Variants in TTC27 observed in about 807,000 individuals in gnomAD.
TTC27 encodes tetratricopeptide repeat protein 27.
In TTC27, 79 loss-of-function variants were observed where a neutral mutation model predicts 115.9. The observed-to-expected ratio is 0.68, with a 90% confidence interval of 0.57 to 0.82. The LOEUF is 0.82. Among genes scored for constraint, TTC27 ranks in the 40% least tolerant of loss-of-function variants. The pLI is 0.00. For synonymous variants in TTC27, 401 were observed against 356.0 expected (o/e 1.13, Z -1.42); for missense variants, 1,054 against 993.1 (o/e 1.06, Z -0.82).
chr2:32,730,814 G>A (rs1045155293), intron 10 of TTC27, among the ~76,000 whole-genome samples: 3 of 151,800 alleles, frequency 2.0e-5, no homozygotes, highest in African/African-American at 7.3e-5. Flanking sequence ...TAGAGATGGG[G>A]TTTCACCATG....
chr2:32,692,907 C>T (rs1309498056), intron 9 of TTC27, among the ~76,000 whole-genome samples: 1 of 150,286 alleles, frequency 6.7e-6, no homozygotes. Context: ...ACCCAGGAAG[C>T]GGAGGTTGCA....
chr2:32,704,715 T>C, intron 10 of TTC27: 1 of 372,890 alleles, frequency 2.7e-6, no homozygotes, highest in Non-Finnish European at 5.5e-6. Context: ...CCTTGATGGG[T>C]TTGATGCTTT....
At chr2:32,643,485 T>G (rs1664733226) in intron 4 of TTC27, among the ~76,000 whole-genome samples, 1 of 151,892 alleles carries the variant, frequency 6.6e-6, no homozygotes, top group Non-Finnish European at 1.5e-5. Flanking sequence ...TTTTTGTACT[T>G]TTAGTAGAAA....
chr2:32,787,017 C>T lies in TTC27; in HGVS notation c.1866C>T (p.Leu622=), dbSNP rs1670370583. ...CTTTTAGAACTTTACAAGAAGCTCT[C>T]AAGTGTAACTATGAACACTGGCAGA... ...VKAFRTLQEA[L]KCNYEHWQIW... Residue 622 remains leucine (L), a synonymous_variant, in exon 16 of 20, where the codon CTC becomes CTT. Coordinates refer to ENST00000317907, the MANE Select transcript of TTC27 (RefSeq NM_017735.5). 7 of 1,613,590 alleles carry T rather than the reference C, an allele frequency of 4.3e-6. No individual in the cohort carries two copies. Among genetic ancestry groups the T allele is most frequent in the Non-Finnish European group, 5.1e-6 (6 of 1,179,922 alleles).
Position 32,630,515 on chromosome 2 carries a change from T to C in TTC27, c.89-8T>C. 9 of 1,583,814 alleles carry C rather than the reference T, an allele frequency of 5.7e-6. No homozygotes were observed. The highest frequency in any genetic ancestry group is 1.4e-5 in the African/African-American group (1 of 73,110). On this transcript the variant is annotated splice_polypyrimidine_tract_variant and splice_region_variant and intron_variant, in intron 1 of 19. Transcript: ENST00000317907. ...TTTGGATTACCGCACTAATTTTTTA[T>C]ATTACAGAGAGTGGATCTTTCCTAC... is the stretch of plus-strand genomic sequence containing the variant.
intron 10 of TTC27, among the ~76,000 whole-genome samples, chr2:32,704,023 C>T (rs1191887081): frequency 6.6e-6 from 1 of 152,186 alleles, no homozygotes; most frequent in Non-Finnish European, 1.5e-5. Flanking sequence ...CATCCTTTTA[C>T]ACCATTTTAT....
intron 5 of TTC27, among the ~76,000 whole-genome samples, chr2:32,663,978 C>T (rs1269418897): frequency 6.7e-6 from 1 of 149,062 alleles, no homozygotes; most frequent in Non-Finnish European, 1.5e-5. Context: ...CCACTGCGCC[C>T]GTCCCCCCAC....
intron 17 of TTC27, 106 bp from the exon 18 acceptor site, chr2:32,812,398 T>G (rs1671344552): frequency 2.5e-6 from 2 of 805,416 alleles, no homozygotes; most frequent in Admixed American, 2.0e-5. Context: ...ACAACACAGA[T>G]GCTGCTTTTT....
At chr2:32,792,880 T>C (rs1465595056) in intron 16 of TTC27, among the ~76,000 whole-genome samples, 6 of 152,232 alleles carry the variant, frequency 3.9e-5, no homozygotes, top group Non-Finnish European at 7.3e-5. Flanking sequence ...TACATTTATG[T>C]TGGAATTGCC....
In TTC27 at chr2:32,767,554, C is replaced by T. The variant is rs1291921829; in HGVS notation, c.1680+9035C>T. On this transcript the variant is annotated intron_variant, in intron 13 of 19. Transcript: ENST00000317907. ...TCGGCTCACTGCAAGCTCCGCTTCC[C>T]AGGTTCACGCCATTCTCCTGCCTCA... Among the ~76,000 whole-genome samples, 3 of 149,136 alleles carry T rather than the reference C, an allele frequency of 2.0e-5. No individual in the cohort carries two copies. The East Asian group carries it at 6.0e-4, about 30-fold the overall frequency.
Position 32,758,526 on chromosome 2 carries a change from C to CAACT in TTC27, c.1680+8_1680+11dup. 6.2e-7 allele frequency: 1 copy of CAACT among 1,611,972 alleles called. No individual in the cohort carries two copies. Among genetic ancestry groups the CAACT allele is most frequent in the South Asian group, 1.1e-5 (1 of 91,024 alleles). ...TAAGATTAATCCCATGCAGGTTAGA[C>CAACT]AACTCATAACCCCCTGCTGCTCTCA... On this transcript the variant is annotated splice_region_variant and intron_variant, in intron 13 of 19. Coordinates refer to ENST00000317907, the MANE Select transcript of TTC27 (RefSeq NM_017735.5).
chr2:32,811,121 G>T lies in TTC27; in HGVS notation c.2096G>T (p.Gly699Val). ...GLKGKLQELF[G>V]RVTSRVTNDG... ...AAAGGAAAGCTGCAGGAGTTATTTGGCAGAGTGACTTCAAGAGTGACAAAT... is the reference window on the plus strand; with the variant it reads ...AAAGGAAAGCTGCAGGAGTTATTTGTCAGAGTGACTTCAAGAGTGACAAAT... Residue 699 changes from glycine (G) to valine (V), a missense_variant, in exon 17 of 20, where the codon GGC (glycine) becomes GTC (valine). Coordinates refer to ENST00000317907, the MANE Select transcript of TTC27 (RefSeq NM_017735.5). The T allele has an allele frequency of 6.2e-7, 1 of 1,614,164 alleles. No homozygotes were observed. Among genetic ancestry groups the T allele is most frequent in the Non-Finnish European group, 8.5e-7 (1 of 1,180,016 alleles).
chr2:32,778,379 A>G (rs753910269), intron 14 of TTC27, among the ~76,000 whole-genome samples: 2 of 152,190 alleles, frequency 1.3e-5, no homozygotes, highest in Non-Finnish European at 2.9e-5. Context: ...AATATATACA[A>G]TTCAATGATT....
At chr2:32,801,217 T>A (rs1261964217) in intron 16 of TTC27, among the ~76,000 whole-genome samples, 1 of 152,210 alleles carries the variant, frequency 6.6e-6, no homozygotes, top group Non-Finnish European at 1.5e-5. Flanking sequence ...AGGGCTACAA[T>A]AACAAATTAC....
At position 32,657,951 on chromosome 2, in the gene TTC27, T is replaced by C. The variant is rs923175973; in HGVS notation, c.641-6352T>C. ...TTCAAGTGATTCTCCAGCCTCAGCC[T>C]CCCAAGAAGCTGGCATTACAGGCGC... On this transcript the variant is annotated intron_variant, in intron 5 of 19. Coordinates refer to ENST00000317907, the MANE Select transcript of TTC27 (RefSeq NM_017735.5). Among the ~76,000 whole-genome samples, 16 of 152,326 alleles carry C rather than the reference T, an allele frequency of 1.1e-4. No homozygotes were observed. In the South Asian group the frequency reaches 2.9e-3, roughly 28 times the overall value.
chr2:32,717,008 ATTT>A (rs10549038), intron 10 of TTC27, among the ~76,000 whole-genome samples: 125 of 140,758 alleles, frequency 8.9e-4, no homozygotes, highest in East Asian at 4.2e-3. Context: ...TTTTTTTTTA[ATTT>A]TTTTTTTTTT....
At chr2:32,702,020 A>AAAAC (rs1553553241) in intron 9 of TTC27, among the ~76,000 whole-genome samples, 2 of 145,532 alleles carry the variant, frequency 1.4e-5, no homozygotes, top group Non-Finnish European at 1.5e-5. Flanking sequence ...CAAAAAAAAA[A>AAAAC]AAAAACAAAA....
rs541606399 is a variant in TTC27, at chr2:32,753,622, C to A, written c.1453-4670C>A. Among the ~76,000 whole-genome samples the A allele has an allele frequency of 3.4e-3, 520 of 151,674 alleles. 3 individuals are homozygous for A. Among genetic ancestry groups the A allele is most frequent in the Non-Finnish European group, 5.6e-3 (380 of 67,906 alleles). ...GTGCCACCGCGCCCATATTTTTATA[C>A]CTTTAGTAGACATGGGGTTTCACTA... On this transcript the variant is annotated intron_variant, in intron 12 of 19. Transcript: ENST00000317907.
At chr2:32,683,236 C>CA (rs796347545) in intron 9 of TTC27, among the ~76,000 whole-genome samples, 2 of 152,122 alleles carry the variant, frequency 1.3e-5, no homozygotes, top group South Asian at 2.1e-4. Context: ...GTGATGCACC[C>CA]ACCCAGCCTC....
Sources: gnomAD v4.1 joint callset for allele counts (sites outside exome capture counted in the v4.1 genomes callset) on GRCh38, gnomAD v4.1.1 for gene constraint, MANE v1.5 for transcripts, NCBI Gene and HGNC (gene_info 2026-07-23, HGNC 2026-07-21) for gene names.